Variants in ESCO1 observed in about 807,000 individuals in gnomAD.
ESCO1 encodes the protein N-acetyltransferase ESCO1.
ESCO1 carries 33 observed loss-of-function variants against 83.5 expected under a neutral mutation model. That is an observed-to-expected ratio of 0.40 (90% CI 0.30 to 0.53). The LOEUF (loss-of-function observed/expected upper bound fraction) is 0.53, where lower values mean the gene tolerates loss of function less well. ESCO1 is among the 20% of genes least tolerant of loss of function. The pLI, the probability that ESCO1 is intolerant of heterozygous loss-of-function variation, is 0.63. For synonymous variants in ESCO1, 332 were observed against 324.3 expected, an observed-to-expected ratio of 1.02 and a Z score of -0.25; for missense variants, 855 against 968.0, an observed-to-expected ratio of 0.88 and a Z score of 1.55.
rs1291326586 is a variant in ESCO1 at position 21,573,640 on chromosome 18, C to G, written c.1204G>C (p.Val402Leu). 1 of 1,614,142 alleles carries G rather than the reference C, an allele frequency of 6.2e-7. No homozygotes were observed. The highest frequency in any genetic ancestry group is 8.5e-7 in the Non-Finnish European group (1 of 1,180,016). ...TGAGAGTCCAACTTATTGTGCTGCA[C>G]AGAGTTAAATTTTGAGAGTTTAATT... The part of the protein sequence containing the change: ...TKIKLSKFNS[V>L]QHNKLDSQVS... The change falls in exon 4 of 12, where the codon GTG (valine) becomes CTG (leucine). Residue 402 changes from valine (V) to leucine (L), a missense_variant. Transcript: ENST00000269214.
chr18:21,544,043 G>A (rs991891724), intron 8 of ESCO1, among the ~76,000 whole-genome samples: 6 of 152,172 alleles, frequency 3.9e-5, no homozygotes. Context: ...AGAGGCTGAG[G>A]AAGGCGGATC....
intron 1 of ESCO1, among the ~76,000 whole-genome samples, chr18:21,587,693 T>C (rs2038601197): frequency 6.6e-6 from 1 of 151,912 alleles, no homozygotes; most frequent in Admixed American, 6.6e-5. Flanking sequence ...ACCCAGCACT[T>C]TGGGAGGCCA....
In ESCO1 at chr18:21,532,577, G is replaced by A. The variant is rs2037780949; in HGVS notation, c.2271C>T (p.Cys757=). The A allele has an allele frequency of 6.2e-7, 1 of 1,614,152 alleles. No homozygotes were observed. The highest frequency in any genetic ancestry group is 8.5e-7 in the Non-Finnish European group (1 of 1,180,016). ...KVRFERQKAW[C]CSTLPEPAIC... ...TTGCAGGCTCTGGTAATGTTGAGCA[G>A]CACCAGGCTTTTTGCCTTTCAAATC... Residue 757 remains cysteine, a synonymous_variant, in exon 11 of 12, where the codon TGC becomes TGT. Transcript: ENST00000269214.
At chr18:21,579,794 G>GCGCGCGCGCA (rs1192534759) in intron 2 of ESCO1, among the ~76,000 whole-genome samples, 40 of 37,122 alleles carry the variant, frequency 1.1e-3, no homozygotes, top group African/African-American at 2.3e-3. Context: ...ACGCGCGCGC[G>GCGCGCGCGCA]CACACACACA....
chr18:21,558,768 G>A (rs1265952639), intron 8 of ESCO1, among the ~76,000 whole-genome samples: 1 of 148,880 alleles, frequency 6.7e-6, no homozygotes, highest in Non-Finnish European at 1.5e-5. Flanking sequence ...AGTAAAACTA[G>A]TTGTTTCTAA....
At chr18:21,550,031 GA>G in intron 8 of ESCO1, among the ~76,000 whole-genome samples, 1 of 151,076 alleles carries the variant, frequency 6.6e-6, no homozygotes, top group Admixed American at 6.6e-5. Context: ...CCCAATAAAT[GA>G]AAATCCATGT....
chr18:21,571,106 T>C (rs1598469091), intron 4 of ESCO1, among the ~76,000 whole-genome samples: 1 of 152,146 alleles, frequency 6.6e-6, no homozygotes, highest in Non-Finnish European at 1.5e-5. Flanking sequence ...ATGAGAGTAA[T>C]GTTCATCTCT....
At chr18:21,572,648 TA>T (rs764219550) in intron 4 of ESCO1, among the ~76,000 whole-genome samples, 4 of 152,178 alleles carry the variant, frequency 2.6e-5, no homozygotes, top group Non-Finnish European at 5.9e-5. Flanking sequence ...TAGTTGAAAT[TA>T]ATTTTAATAT....
At chr18:21,579,875 T>A (rs1250013579) in intron 2 of ESCO1, among the ~76,000 whole-genome samples, 3 of 148,108 alleles carry the variant, frequency 2.0e-5, no homozygotes, top group African/African-American at 7.5e-5. Context: ...TCTAGAATAA[T>A]GGATGAAAAA....
At chr18:21,535,217 ATT>A (rs71178182) in intron 10 of ESCO1, among the ~76,000 whole-genome samples, 6 of 142,560 alleles carry the variant, frequency 4.2e-5, no homozygotes, top group Non-Finnish European at 1.6e-5. Flanking sequence ...TAGTATTCTG[ATT>A]TTTTTTTTTT....
At chr18:21,580,977 C>CA (rs1267034593) in intron 2 of ESCO1, among the ~76,000 whole-genome samples, 1 of 146,542 alleles carries the variant, frequency 6.8e-6, no homozygotes, top group Non-Finnish European at 1.5e-5. Context: ...GCAACAAGAG[C>CA]AAAACTCCAT....
chr18:21,537,339 G>A (rs1204617886), intron 9 of ESCO1, among the ~76,000 whole-genome samples: 1 of 152,034 alleles, frequency 6.6e-6, no homozygotes, highest in East Asian at 1.9e-4. Flanking sequence ...GGAGTTCAAG[G>A]CCAGCCTGGG....
intron 2 of ESCO1, among the ~76,000 whole-genome samples, chr18:21,579,662 C>T (rs1345202572): frequency 2.7e-5 from 4 of 150,848 alleles, no homozygotes; most frequent in Non-Finnish European, 4.4e-5. Context: ...ATCCCAGCTA[C>T]TCGGGAGGCT....
Position 21,599,140 on chromosome 18 carries a change from C to T in ESCO1, c.-825+1483G>A, listed in dbSNP as rs181707216. 3.1e-4 allele frequency among the ~76,000 whole-genome samples: 47 copies of T among 152,210 alleles called. No homozygotes were observed. In the East Asian group the frequency reaches 8.5e-3, roughly 27 times the overall value. On this transcript the variant is annotated intron_variant, in intron 1 of 11. Coordinates refer to ENST00000269214, the MANE Select transcript of ESCO1 (RefSeq NM_052911.3). The stretch of plus-strand genomic sequence containing the variant: ...TCACTTGATCCCAGGAGTTCGAGAC[C>T]AGCCTGGGCAACATGGCGAAACGCC...
Position 21,595,986 on chromosome 18 carries a change from TA to T in ESCO1, c.-825+4636del, listed in dbSNP as rs1365411313. Among the ~76,000 whole-genome samples, 19 of 151,194 alleles carry T rather than the reference TA, an allele frequency of 1.3e-4. No individual in the cohort carries two copies. In the East Asian group the frequency reaches 2.5e-3, roughly 20 times the overall value. On this transcript the variant is annotated intron_variant, in intron 1 of 11. Coordinates refer to ENST00000269214, the MANE Select transcript of ESCO1 (RefSeq NM_052911.3). ...CTCAAAAAATAAATAAATAAATAAA[TA>T]AAATAAAAATAAATAAATAAAAAGA...
chr18:21,562,874 AT>A (rs563652674), intron 7 of ESCO1, among the ~76,000 whole-genome samples: 2,029 of 143,746 alleles, frequency 0.014, 88 homozygotes, highest in Admixed American at 0.099. Context: ...CCATGTTATT[AT>A]TTTTTTTTTT....
intron 1 of ESCO1, among the ~76,000 whole-genome samples, chr18:21,594,059 C>T (rs932957834): frequency 2.6e-5 from 4 of 152,158 alleles, no homozygotes; most frequent in Admixed American, 6.5e-5. Flanking sequence ...GCAGCAGCCC[C>T]GACCTCCATC....
At chr18:21,579,796 ACACACACAC>A (rs2038474143) in intron 2 of ESCO1, among the ~76,000 whole-genome samples, 1 of 23,522 alleles carries the variant, frequency 4.3e-5, no homozygotes, top group African/African-American at 6.9e-5. Flanking sequence ...GCGCGCGCGC[ACACACACAC>A]ACACACACAC....
chr18:21,560,459 G>C (rs1167803500), intron 8 of ESCO1, among the ~76,000 whole-genome samples: 1 of 151,368 alleles, frequency 6.6e-6, no homozygotes, highest in Non-Finnish European at 1.5e-5. Context: ...AACCTACTTG[G>C]TATAATACCT....
Sources: gnomAD v4.1 joint callset for allele counts (sites outside exome capture counted in the v4.1 genomes callset) on GRCh38, gnomAD v4.1.1 for gene constraint, MANE v1.5 for transcripts, NCBI Gene and HGNC (gene_info 2026-07-23, HGNC 2026-07-21) for gene names.